Variants in ATP8A2 observed in about 807,000 individuals in gnomAD.
ATP8A2 encodes ATPase phospholipid transporting 8A2.
Under a neutral mutation model 165.6 loss-of-function variants are expected in ATP8A2, and 100 were observed. The ratio of observed to expected loss-of-function variants is 0.60; its 90% confidence interval spans 0.51 to 0.71. ATP8A2 has a LOEUF of 0.71. ATP8A2 is among the 30% of genes least tolerant of loss of function. The pLI is 0.00. For synonymous variants in ATP8A2, 543 were observed against 548.8 expected (o/e 0.99, Z 0.15); for missense variants, 1,227 against 1,479.5 (o/e 0.83, Z 2.80).
intron 33 of ATP8A2, among the ~76,000 whole-genome samples, chr13:25,892,644 G>C (rs1007513520): frequency 6.6e-6 from 1 of 151,706 alleles, no homozygotes; most frequent in African/African-American, 2.4e-5. Context: ...TGTCATGCAG[G>C]TGTACTGGGA....
At chr13:25,899,753 G>T (rs978585169) in intron 33 of ATP8A2, among the ~76,000 whole-genome samples, 2 of 152,114 alleles carry the variant, frequency 1.3e-5, no homozygotes, top group Non-Finnish European at 2.9e-5. Context: ...GACCACGGAG[G>T]TCTTTGTAAA....
chr13:25,404,473 G>A (rs1413176306), intron 1 of ATP8A2, among the ~76,000 whole-genome samples: 5 of 152,116 alleles, frequency 3.3e-5, no homozygotes, highest in African/African-American at 7.2e-5. Flanking sequence ...CTGGTTCACC[G>A]TGGAGAGTGG....
chr13:25,442,978 T>A (rs1252710427), intron 1 of ATP8A2, among the ~76,000 whole-genome samples: 4 of 152,220 alleles, frequency 2.6e-5, no homozygotes, highest in Non-Finnish European at 5.9e-5. Context: ...TGCAAATATT[T>A]TCTCTCATTC....
At chr13:25,721,307 A>G (rs768402841) in intron 25 of ATP8A2, among the ~76,000 whole-genome samples, 4 of 151,872 alleles carry the variant, frequency 2.6e-5, no homozygotes, top group Admixed American at 6.6e-5. Flanking sequence ...ATAGTCACAG[A>G]TATGAACAGC....
In ATP8A2 at chr13:25,531,355, T is replaced by TTA. The variant is rs555065246; in HGVS notation, c.420+701_420+702dup. 6.4e-3 allele frequency among the ~76,000 whole-genome samples: 849 copies of TTA among 131,940 alleles called. 14 individuals are homozygous for TTA. The highest frequency in any genetic ancestry group is 8.9e-3 in the Non-Finnish European group (573 of 64,382). 86.6% of individuals were successfully genotyped at this position (131,940 alleles called of 152,430 possible). A position where few individuals can be genotyped will look rare whatever the true frequency, so the allele number is the denominator to read the frequency against. On this transcript the variant is annotated intron_variant, in intron 4 of 36. Coordinates refer to ENST00000381655, the MANE Select transcript of ATP8A2 (RefSeq NM_016529.6). ...ATATATGTTATATATGATATATATG[T>TTA]TATATATGATATATATATGTTATAT...
At chr13:25,502,302 A>G (rs2036878748) in intron 2 of ATP8A2, among the ~76,000 whole-genome samples, 1 of 152,278 alleles carries the variant, frequency 6.6e-6, no homozygotes, top group African/African-American at 2.4e-5. Context: ...GGAGAAATAA[A>G]CGGGAGCTAT....
rs564900299 is a variant in ATP8A2, at chr13:25,931,775, G to A, written c.3184-29800G>A. On this transcript the variant is annotated intron_variant, in intron 33 of 36. Coordinates refer to ENST00000381655, the MANE Select transcript of ATP8A2 (RefSeq NM_016529.6). ...ACAGGGAAAAGCCAGGGCCAGGTGC[G>A]GTGGCTCACACCTATAATCCCAGCA... Among the ~76,000 whole-genome samples, 6 of 152,172 alleles carry A rather than the reference G, an allele frequency of 3.9e-5. No homozygotes were observed. In the South Asian group the frequency reaches 1.0e-3, roughly 26 times the overall value.
At position 25,456,284 on chromosome 13, in the gene ATP8A2, G is replaced by A. The variant is rs115287082; in HGVS notation, c.77-12693G>A. On this transcript the variant is annotated intron_variant, in intron 1 of 36. Transcript: ENST00000381655. Reference sequence around the variant, plus strand: ...AACATCCATAGCTCTCACTGTCTCCGCTTCTTCCACTCTCACAGGTGCTAA... The same window carrying A: ...AACATCCATAGCTCTCACTGTCTCCACTTCTTCCACTCTCACAGGTGCTAA... 7.3e-3 allele frequency among the ~76,000 whole-genome samples: 1,108 copies of A among 152,246 alleles called. 14 individuals carry two copies. Among genetic ancestry groups the A allele is most frequent in the African/African-American group, 0.025 (1,048 of 41,528 alleles).
chr13:25,564,708 A>G (rs563675638), intron 16 of ATP8A2, among the ~76,000 whole-genome samples: 6 of 152,300 alleles, frequency 3.9e-5, no homozygotes, highest in African/African-American at 1.2e-4. Context: ...TAATTTTTCT[A>G]TAAGGGAAAA....
intron 24 of ATP8A2, among the ~76,000 whole-genome samples, chr13:25,627,980 C>T (rs886553867): frequency 3.3e-5 from 5 of 152,274 alleles, no homozygotes; most frequent in South Asian, 4.1e-4. Context: ...GAGTCTATGG[C>T]TTGGGCTGAC....
chr13:25,581,371 T>G (rs1189567578), intron 22 of ATP8A2, among the ~76,000 whole-genome samples: 1 of 152,228 alleles, frequency 6.6e-6, no homozygotes, highest in African/African-American at 2.4e-5. Flanking sequence ...TGGATTTTTT[T>G]TCTCTCACTG....
chr13:25,959,253 G>C (rs1396213974), intron 33 of ATP8A2, among the ~76,000 whole-genome samples: 1 of 152,176 alleles, frequency 6.6e-6, no homozygotes, highest in South Asian at 2.1e-4. Context: ...GTGTTCTGTA[G>C]AAGAAACAGG....
chr13:25,784,830 A>G (rs897958361), intron 27 of ATP8A2, among the ~76,000 whole-genome samples: 3 of 151,810 alleles, frequency 2.0e-5, no homozygotes, highest in African/African-American at 7.3e-5. Flanking sequence ...CAATGGCGTG[A>G]TCTCAGCTCA....
At chr13:25,935,969 T>C (rs1019786362) in intron 33 of ATP8A2, among the ~76,000 whole-genome samples, 3 of 152,204 alleles carry the variant, frequency 2.0e-5, no homozygotes, top group African/African-American at 7.2e-5. Context: ...AAATTTTGAA[T>C]GTTACCATAA....
chr13:25,876,114 A>T (rs920719899), intron 33 of ATP8A2, among the ~76,000 whole-genome samples: 41 of 152,326 alleles, frequency 2.7e-4, no homozygotes, highest in Admixed American at 2.0e-3. Context: ...CCAGCCTCCA[A>T]TAAATCTGGG....
At chr13:25,611,356 G>A (rs368870951) in intron 24 of ATP8A2, among the ~76,000 whole-genome samples, 3 of 152,036 alleles carry the variant, frequency 2.0e-5, no homozygotes, top group Non-Finnish European at 4.4e-5. Context: ...AATCATAAAG[G>A]GATGGTGGAT....
intron 24 of ATP8A2, among the ~76,000 whole-genome samples, chr13:25,610,979 T>C (rs1438240979): frequency 2.6e-5 from 4 of 151,920 alleles, no homozygotes; most frequent in African/African-American, 9.7e-5. Flanking sequence ...AACTACTGAT[T>C]TCTGTACATT....
At chr13:25,433,331 G>A (rs1172982329) in intron 1 of ATP8A2, among the ~76,000 whole-genome samples, 1 of 152,112 alleles carries the variant, frequency 6.6e-6, no homozygotes, top group Non-Finnish European at 1.5e-5. Context: ...GGAGTGCAGT[G>A]GTGTGATCAT....
intron 1 of ATP8A2, among the ~76,000 whole-genome samples, chr13:25,424,024 G>A (rs1390578031): frequency 6.6e-6 from 1 of 152,156 alleles, no homozygotes; most frequent in African/African-American, 2.4e-5. Context: ...GGCAGATGGG[G>A]AGGGCCATCA....
Sources: allele counts gnomAD v4.1 joint callset (sites outside exome capture counted in the v4.1 genomes callset), GRCh38; gene constraint gnomAD v4.1.1; transcripts MANE v1.5; gene names NCBI Gene and HGNC (gene_info 2026-07-23, HGNC 2026-07-21).